Variants in CHFR observed in about 807,000 individuals in gnomAD.
CHFR encodes checkpoint with forkhead and ring finger domains, also known as E3 ubiquitin-protein ligase CHFR.
In CHFR, 57 loss-of-function variants were observed where a neutral mutation model predicts 87.6. The ratio of observed to expected loss-of-function variants is 0.65; its 90% CI spans 0.53 to 0.81. CHFR has a LOEUF of 0.81. Among genes scored for constraint, CHFR ranks in the 30% least tolerant of loss-of-function variants. The probability of loss-of-function intolerance (pLI) is 0.00; values close to 1 mark genes in which losing one functional copy is unlikely to be tolerated. For missense variants in CHFR, 797 were observed against 865.8 expected (o/e 0.92, Z 1.00); for synonymous variants, 381 against 359.2 (o/e 1.06, Z -0.69).
intron 2 of CHFR, among the ~76,000 whole-genome samples, chr12:132,884,442 A>AT (rs1159752790): frequency 1.1e-4 from 16 of 151,444 alleles, no homozygotes; most frequent in African/African-American, 3.9e-4. Flanking sequence ...ATATATATAT[A>AT]AAATAAATAA....
chr12:132,869,359 C>T (rs975862034), intron 6 of CHFR, among the ~76,000 whole-genome samples: 1 of 152,060 alleles, frequency 6.6e-6, no homozygotes, highest in Non-Finnish European at 1.5e-5. Flanking sequence ...ATGTACACTT[C>T]GGCTGGATGA....
At chr12:132,864,269 GAGAC>G (rs1951282348) in intron 6 of CHFR, among the ~76,000 whole-genome samples, 2 of 151,558 alleles carry the variant, frequency 1.3e-5, no homozygotes, top group South Asian at 2.1e-4. Flanking sequence ...CAGAAGGAAA[GAGAC>G]AGCCTGTGGG....
intron 2 of CHFR, 114 bp from the exon 3 acceptor site, chr12:132,877,768 T>TAA (rs149820641): frequency 1.2e-5 from 6 of 502,752 alleles, no homozygotes; most frequent in African/African-American, 1.0e-4. Context: ...TGTACATATG[T>TAA]AAAAAAAAAC....
Position 132,869,852 on chromosome 12 carries a change from C to T in CHFR, c.404-54G>A, listed in dbSNP as rs114464009. On this transcript the variant is annotated intron_variant, in intron 5 of 17. Transcript: ENST00000450056. ...GTTAGCTTCTGTAACCCAAAAGGAG[C>T]AGAAGCAGCACACAACCAGGGCTCA... 5.6e-4 allele frequency: 868 copies of T among 1,541,316 alleles called. 3 individuals are homozygous for T. The African/African-American group carries it at 0.011, about 19-fold the overall frequency.
intron 2 of CHFR, among the ~76,000 whole-genome samples, chr12:132,881,214 G>A (rs1466117731): frequency 6.8e-6 from 1 of 146,056 alleles, no homozygotes; most frequent in African/African-American, 2.6e-5. Context: ...AGCTGAGATC[G>A]TGCCACTGCA....
Position 132,883,649 on chromosome 12 carries a change from C to T in CHFR, c.133+3547G>A, listed in dbSNP as rs12319552. On this transcript the variant is annotated intron_variant, in intron 2 of 17. Transcript: ENST00000450056. ...GGTTGAGGCAGGAGAATGGTGTGAACCCAAGAGGCAGAGCTTGCAGTGAGC... is the reference window on the plus strand; with the variant it reads ...GGTTGAGGCAGGAGAATGGTGTGAATCCAAGAGGCAGAGCTTGCAGTGAGC... Among the ~76,000 whole-genome samples the T allele has an allele frequency of 6.6e-5, 10 of 152,088 alleles. No individual in the cohort carries two copies. The East Asian group carries it at 1.9e-3, about 30-fold the overall frequency.
chr12:132,866,606 ACCAGAAAGTTACAACACAC>A (rs1951346426), intron 6 of CHFR: 2 of 151,774 alleles, frequency 1.3e-5, no homozygotes, highest in African/African-American at 2.4e-5. Flanking sequence ...GTTACAACAC[ACCAGAAAGTTACAACACAC>A]CGCGTAACAC....
intron 3 of CHFR, among the ~76,000 whole-genome samples, chr12:132,876,561 T>C (rs1462682479): frequency 6.6e-6 from 1 of 152,216 alleles, no homozygotes; most frequent in African/African-American, 2.4e-5. Flanking sequence ...TTATTAGTTT[T>C]AAAAAATGAT....
intron 13 of CHFR, 181 bp from the exon 14 acceptor site, chr12:132,848,336 T>G: frequency 8.4e-7 from 1 of 1,187,816 alleles, no homozygotes; most frequent in African/African-American, 1.5e-5. Context: ...TTCCACTCCC[T>G]CCTTAAAAAG....
chr12:132,843,880 C>A, intron 16 of CHFR, 147 bp downstream of exon 16: 1 of 524,938 alleles, frequency 1.9e-6, no homozygotes, highest in Non-Finnish European at 3.5e-6. Context: ...ACTCAGGAGG[C>A]AGAGGTTGCA....
chr12:132,870,813 T>C lies in CHFR; in HGVS notation c.344-30A>G, dbSNP rs762831160. The C allele has an allele frequency of 6.7e-5, 98 of 1,462,734 alleles. No homozygotes were observed. The South Asian group carries it at 1.1e-3, about 16-fold the overall frequency. The allele number at this position is 1,462,734 out of a possible 1,614,324, so 90.6% of individuals were successfully genotyped here. ...AAGAAAATCAATCAAATCAGAAAAG[T>C]GGTGGCCCCTGTGCAAACTGAGAAC... On this transcript the variant is annotated intron_variant, in intron 4 of 17. Transcript: ENST00000450056.
At chr12:132,865,426 C>T (rs1357042886) in intron 6 of CHFR, among the ~76,000 whole-genome samples, 2 of 151,966 alleles carry the variant, frequency 1.3e-5, no homozygotes, top group Non-Finnish European at 2.9e-5. Context: ...GCGGTATCGG[C>T]TCACTGCAAC....
rs370103218 is a variant in CHFR at position 132,848,079 on chromosome 12, C to A, written c.1647+6G>T. 54 of 1,613,976 alleles carry A rather than the reference C, an allele frequency of 3.3e-5. No homozygotes were observed. The South Asian group carries it at 5.7e-4, about 17-fold the overall frequency. ...CCCGGCTCCCCAGCCCGCAGCGAGT[C>A]GGTACCTTCAGGATGTCTGACTCGT... On this transcript the variant is annotated splice_donor_region_variant and intron_variant, in intron 14 of 17. Transcript: ENST00000450056.
intron 6 of CHFR, 190 bp from the exon 7 acceptor site, chr12:132,861,824 T>G: frequency 2.6e-5 from 15 of 568,650 alleles, no homozygotes; most frequent in Non-Finnish European, 4.1e-5. Context: ...TGCCTATCTC[T>G]ACGTGGGGTG....
At chr12:132,842,807 C>T (rs1950729780) in intron 17 of CHFR, among the ~76,000 whole-genome samples, 1 of 152,138 alleles carries the variant, frequency 6.6e-6, no homozygotes, top group South Asian at 2.1e-4. Context: ...GCTACTCCAG[C>T]CAGGAAGACA....
chr12:132,864,457 G>C (rs1424743035), intron 6 of CHFR, among the ~76,000 whole-genome samples: 2 of 151,610 alleles, frequency 1.3e-5, no homozygotes, highest in Non-Finnish European at 2.9e-5. Flanking sequence ...CATACACTTA[G>C]GCATACAGAT....
chr12:132,881,176 G>A (rs770763697), intron 2 of CHFR, among the ~76,000 whole-genome samples: 7 of 151,332 alleles, frequency 4.6e-5, no homozygotes, highest in Admixed American at 2.6e-4. Context: ...GCTGAGGTGG[G>A]AGAACATGGG....
intron 15 of CHFR, among the ~76,000 whole-genome samples, chr12:132,845,711 G>GC (rs1044973520): frequency 5.3e-5 from 8 of 152,012 alleles, no homozygotes; most frequent in Non-Finnish European, 8.8e-5. Flanking sequence ...AGCATCGTGT[G>GC]CCCCCCTGGA....
At chr12:132,866,717 T>C (rs1248541286) in intron 6 of CHFR, 1 of 152,126 alleles carries the variant, frequency 6.6e-6, no homozygotes, top group African/African-American at 2.4e-5. Flanking sequence ...TTACAACACA[T>C]TGGAATGTTA....
Sources: allele counts gnomAD v4.1 joint callset (sites outside exome capture counted in the v4.1 genomes callset), GRCh38; gene constraint gnomAD v4.1.1; transcripts MANE v1.5; gene names NCBI Gene and HGNC (gene_info 2026-07-23, HGNC 2026-07-21).